Variants in KIF3A observed in about 807,000 individuals in gnomAD.
The protein encoded by KIF3A is kinesin-like protein KIF3A.
KIF3A carries 27 observed loss-of-function variants against 92.6 expected under a neutral mutation model. The observed-to-expected ratio is 0.29, with a 90% CI of 0.21 to 0.40. The LOEUF (loss-of-function observed/expected upper bound fraction) is 0.40. KIF3A is among the 10% of genes least tolerant of loss of function. The probability of loss-of-function intolerance (pLI) is 1.00; values close to 1 mark genes in which losing one functional copy is unlikely to be tolerated. For synonymous variants in KIF3A, 250 were observed against 275.4 expected, an observed-to-expected ratio of 0.91 and a Z score of 0.92; for missense variants, 581 against 872.6, an observed-to-expected ratio of 0.67 and a Z score of 4.21.
chr5:132,699,412 A>G, intron 17 of KIF3A, 117 bp from the exon 18 acceptor site: 2 of 963,900 alleles, frequency 2.1e-6, no homozygotes, highest in South Asian at 3.0e-5. Context: ...GCTAAAACCA[A>G]AGAAATGTCT....
intron 5 of KIF3A, among the ~76,000 whole-genome samples, chr5:132,719,986 A>G (rs933090196): frequency 2.0e-5 from 3 of 152,160 alleles, no homozygotes; most frequent in Non-Finnish European, 4.4e-5. Flanking sequence ...AATGCAGACT[A>G]CTGGCCTAGG....
intron 2 of KIF3A, 35 bp downstream of exon 2, chr5:132,734,167 CAAT>C (rs761098582): frequency 2.0e-6 from 3 of 1,511,308 alleles, no homozygotes; most frequent in African/African-American, 1.4e-5. Context: ...AATTATGTCT[CAAT>C]AAGGGAGTTT....
chr5:132,703,144 T>C, intron 12 of KIF3A, 79 bp from the exon 13 acceptor site: 2 of 1,233,680 alleles, frequency 1.6e-6, no homozygotes, highest in South Asian at 1.4e-5. Flanking sequence ...AATTTAAAAT[T>C]TGGATATACA....
chr5:132,691,360 C>T (rs1211772788), downstream of KIF3A, among the ~76,000 whole-genome samples: 2 of 151,692 alleles, frequency 1.3e-5, no homozygotes, highest in East Asian at 3.9e-4. Flanking sequence ...CGAGCCTGAC[C>T]AACATGGAGA....
At chr5:132,713,894 T>TTTTC (rs1021747037) in intron 8 of KIF3A, among the ~76,000 whole-genome samples, 13 of 130,348 alleles carry the variant, frequency 1.0e-4, no homozygotes, top group Non-Finnish European at 2.1e-4. Flanking sequence ...ACTTTCTTTT[T>TTTTC]TTTTTTTTTT....
Position 132,702,199 on chromosome 5 carries a change from T to A in KIF3A, c.1772A>T (p.Gln591Leu). 6.2e-7 allele frequency: 1 copy of A among 1,613,380 alleles called. No homozygotes were observed. Among genetic ancestry groups the A allele is most frequent in the Non-Finnish European group, 8.5e-7 (1 of 1,179,508 alleles). ...TTCAATTTCCCTCTGATGTTCTTGT[T>A]GGAGATCAGCCATCTACCAGAAAAT... ...MAAKSEMADL[Q>L]QEHQREIEGL... The change falls in exon 15 of 19, where the codon CAA becomes CTA. Residue 591 changes from glutamine to leucine, a missense_variant. Physicochemically the swap from Gln to Leu is moderately radical, Grantham distance 113 (BLOSUM62 -2). Around this residue, in one of 5 missense-constraint regions of KIF3A, gnomAD observed 45 missense variants for 115.8 expected, o/e 0.39. Coordinates refer to ENST00000403231, the MANE Select transcript of KIF3A (RefSeq NM_001300791.2).
intron 5 of KIF3A, among the ~76,000 whole-genome samples, chr5:132,720,051 A>C (rs943088238): frequency 2.0e-5 from 3 of 152,054 alleles, no homozygotes; most frequent in African/African-American, 7.2e-5. Flanking sequence ...CCTATTGTCC[A>C]GGCTGGTCTC....
At chr5:132,731,886 T>C (rs1245178951) in intron 2 of KIF3A, among the ~76,000 whole-genome samples, 6 of 152,194 alleles carry the variant, frequency 3.9e-5, no homozygotes, top group African/African-American at 1.4e-4. Context: ...AATTTTTTTA[T>C]TTTTAGTAGA....
intron 5 of KIF3A, among the ~76,000 whole-genome samples, chr5:132,717,899 AT>A (rs1753685080): frequency 6.6e-6 from 1 of 152,200 alleles, no homozygotes; most frequent in Admixed American, 6.5e-5. Context: ...AAAAGCTCCA[AT>A]TAACTACCTG....
At chr5:132,723,212 T>C (rs1753885491) in intron 4 of KIF3A, 1 of 152,142 alleles carries the variant, frequency 6.6e-6, no homozygotes, top group Non-Finnish European at 1.5e-5. Context: ...ATCGTGAAAA[T>C]GGCCATACTG....
At chr5:132,718,492 C>T (rs956282849) in intron 5 of KIF3A, among the ~76,000 whole-genome samples, 6 of 152,054 alleles carry the variant, frequency 3.9e-5, no homozygotes, top group Admixed American at 3.3e-4. Context: ...GTATTTTTAG[C>T]AGAGACGAGG....
In KIF3A at chr5:132,692,789, T is replaced by C. The variant is rs1417747781; in HGVS notation, c.*3845A>G. The C allele has an allele frequency of 6.5e-6, 1 of 152,756 alleles. No homozygotes were observed. Among genetic ancestry groups the C allele is most frequent in the Non-Finnish European group, 1.5e-5 (1 of 68,044 alleles). The allele number at this position is 152,756 out of a possible 1,614,324, so 9.5% of individuals were successfully genotyped here. On this transcript the variant is annotated 3_prime_UTR_variant, in exon 19 of 19. Transcript: ENST00000403231. ...CTGTAATTTGTAATTTTGGCCAGCATACAGTATTATAGTAATGCTACTGAA... is the reference window on the plus strand; with the variant it reads ...CTGTAATTTGTAATTTTGGCCAGCACACAGTATTATAGTAATGCTACTGAA...
At chr5:132,700,598 T>G (rs376929433) in intron 16 of KIF3A, 49 bp downstream of exon 16, 4 of 1,265,654 alleles carry the variant, frequency 3.2e-6, no homozygotes, top group Non-Finnish European at 4.6e-6. Context: ...TTCTAGACCA[T>G]AGGAAGTACT....
chr5:132,728,051 G>A (rs940858898), intron 2 of KIF3A, among the ~76,000 whole-genome samples: 5 of 152,062 alleles, frequency 3.3e-5, no homozygotes, highest in African/African-American at 1.2e-4. Flanking sequence ...CTGCTATTAG[G>A]AATATAACAC....
downstream of KIF3A, among the ~76,000 whole-genome samples, chr5:132,690,141 G>C (rs1020669031): frequency 6.6e-6 from 1 of 152,176 alleles, no homozygotes; most frequent in African/African-American, 2.4e-5. Flanking sequence ...GCTTGAACTC[G>C]GGAGGCAGAG....
intron 8 of KIF3A, among the ~76,000 whole-genome samples, chr5:132,713,360 G>A (rs1288245816): frequency 1.3e-5 from 2 of 152,140 alleles, no homozygotes; most frequent in African/African-American, 4.8e-5. Context: ...ACTGTTGTAT[G>A]CTTATAAAAA....
intron 2 of KIF3A, among the ~76,000 whole-genome samples, chr5:132,733,824 AC>A (rs757211074): frequency 6.6e-6 from 1 of 152,248 alleles, no homozygotes; most frequent in Non-Finnish European, 1.5e-5. Context: ...TGGACTGAAG[AC>A]TCAATATTGT....
intron 4 of KIF3A, chr5:132,723,470 G>T (rs1401258195): frequency 1.3e-5 from 2 of 152,164 alleles, no homozygotes; most frequent in Non-Finnish European, 2.9e-5. Flanking sequence ...CAATGCAACA[G>T]AACAGAGCTC....
Position 132,737,485 on chromosome 5 carries a change from C to G in KIF3A, c.-66G>C. The G allele has an allele frequency of 6.3e-7, 1 of 1,580,226 alleles. No homozygotes were observed. The highest frequency in any genetic ancestry group is 1.1e-5 in the South Asian group (1 of 87,756). On this transcript the variant is annotated 5_prime_UTR_variant, in exon 1 of 19. Transcript: ENST00000403231. The stretch of plus-strand genomic sequence containing the variant: ...GTGCAGCCCAGCGACACCGGGTGCG[C>G]AGAAAGGATGGCCAGAGACTACCGA...
Sources: allele counts gnomAD v4.1 joint callset (sites outside exome capture counted in the v4.1 genomes callset), GRCh38; gene constraint gnomAD v4.1.1; regional missense constraint gnomAD v4.1.1; transcripts MANE v1.5; gene names NCBI Gene and HGNC (gene_info 2026-07-23, HGNC 2026-07-21).